Variants in RAB3C observed in about 807,000 individuals in gnomAD.
RAB3C encodes RAB3C, member RAS oncogene family.
Under a neutral mutation model 26.4 loss-of-function variants are expected in RAB3C, and 17 were observed. The ratio of observed to expected loss-of-function variants is 0.64; its 90% CI spans 0.44 to 0.97. The LOEUF is 0.97. Among genes scored for constraint, RAB3C ranks in the 50% least tolerant of loss-of-function variants. The pLI is 0.00. For missense variants in RAB3C, 242 were observed against 281.9 expected (o/e 0.86, Z 1.01); for synonymous variants, 91 against 95.9 (o/e 0.95, Z 0.30).
intron 2 of RAB3C, among the ~76,000 whole-genome samples, chr5:58,687,151 G>C (rs980384478): frequency 2.0e-5 from 3 of 151,976 alleles, no homozygotes; most frequent in African/African-American, 4.8e-5. Context: ...ATCCATCTTC[G>C]TGAGTTGAAG....
At chr5:58,622,368 G>T (rs1017634790) in intron 2 of RAB3C, among the ~76,000 whole-genome samples, 21 of 152,072 alleles carry the variant, frequency 1.4e-4, no homozygotes, top group African/African-American at 4.8e-4. Flanking sequence ...AATCCTGGGA[G>T]GGTCAGTCCC....
rs568825493 is a variant in RAB3C, at chr5:58,634,021, G to T, written c.252+16151G>T. Among the ~76,000 whole-genome samples the T allele has an allele frequency of 2.2e-4, 33 of 151,466 alleles. No individual in the cohort carries two copies. In the South Asian group the frequency reaches 5.6e-3, roughly 26 times the overall value. On this transcript the variant is annotated intron_variant, in intron 2 of 4. Transcript: ENST00000282878. ...CCGGGCATGGTGGCTGGTGCCTGTA[G>T]TCCCAGCTACTCAGGAGGCTGAGGC... is the stretch of plus-strand genomic sequence containing the variant.
At chr5:58,817,252 C>A (rs1157319851) in intron 3 of RAB3C, among the ~76,000 whole-genome samples, 4 of 152,084 alleles carry the variant, frequency 2.6e-5, no homozygotes, top group Non-Finnish European at 4.4e-5. Context: ...TTTAGCTTTT[C>A]ACTATTGTTA....
At chr5:58,824,990 C>G in intron 3 of RAB3C, 48 bp from the exon 4 acceptor site, 1 of 1,327,148 alleles carries the variant, frequency 7.5e-7, no homozygotes, top group Non-Finnish European at 1.0e-6. Flanking sequence ...TCATTTTATG[C>G]TGTTCTGCTT....
At chr5:58,584,924 T>A (rs1745980336) in intron 1 of RAB3C, among the ~76,000 whole-genome samples, 1 of 152,072 alleles carries the variant, frequency 6.6e-6, no homozygotes, top group African/African-American at 2.4e-5. Context: ...ACAGTTAAAA[T>A]TATTTTTTGT....
At chr5:58,841,541 G>A (rs369425240) in intron 4 of RAB3C, among the ~76,000 whole-genome samples, 15 of 152,118 alleles carry the variant, frequency 9.9e-5, no homozygotes, top group Non-Finnish European at 1.5e-5. Context: ...TGGCTCACAG[G>A]GGTGTGAGGT....
intron 1 of RAB3C, among the ~76,000 whole-genome samples, chr5:58,606,997 G>T (rs182131217): frequency 6.6e-6 from 1 of 152,156 alleles, no homozygotes; most frequent in African/African-American, 2.4e-5. Context: ...AAACCAGCGC[G>T]CCTCTTCTCC....
At chr5:58,650,690 GC>G (rs1332223688) in intron 2 of RAB3C, among the ~76,000 whole-genome samples, 1 of 152,068 alleles carries the variant, frequency 6.6e-6, no homozygotes, top group Non-Finnish European at 1.5e-5. Flanking sequence ...GGTCATATTT[GC>G]TAAGCCTCTT....
Position 58,857,447 on chromosome 5 carries a change from T to C in RAB3C, c.*6096T>C, listed in dbSNP as rs187998567. The C allele has an allele frequency of 2.1e-3, 325 of 152,316 alleles. 1 individual carries two copies. The highest frequency in any genetic ancestry group is 7.5e-3 in the African/African-American group (312 of 41,584). 9.4% of individuals were successfully genotyped at this position (152,316 alleles called of 1,614,324 possible). A position where few individuals can be genotyped will look rare whatever the true frequency, so the allele number is the denominator to read the frequency against. The stretch of plus-strand genomic sequence containing the variant: ...CTCAAAATTTTCTTTAAGTGTCATA[T>C]AAAAGTGTACATTTTACTTTTAAGC... On this transcript the variant is annotated 3_prime_UTR_variant, in exon 5 of 5. Transcript: ENST00000282878.
At chr5:58,780,417 T>G (rs1450923578) in intron 3 of RAB3C, among the ~76,000 whole-genome samples, 1 of 152,170 alleles carries the variant, frequency 6.6e-6, no homozygotes, top group East Asian at 1.9e-4. Context: ...TATTTAAGTA[T>G]AACAAATTAT....
At chr5:58,731,083 T>C (rs536824517) in intron 3 of RAB3C, among the ~76,000 whole-genome samples, 9 of 152,148 alleles carry the variant, frequency 5.9e-5, no homozygotes, top group African/African-American at 2.2e-4. Context: ...GTTCCTCCCA[T>C]GACACGTGGG....
chr5:58,779,473 C>G (rs946548239), intron 3 of RAB3C, among the ~76,000 whole-genome samples: 19 of 151,798 alleles, frequency 1.3e-4, no homozygotes, highest in Non-Finnish European at 4.4e-5. Context: ...TAACTTCAAA[C>G]TCTAGGGCTC....
intron 2 of RAB3C, among the ~76,000 whole-genome samples, chr5:58,631,414 A>G (rs941435248): frequency 6.6e-6 from 1 of 152,242 alleles, no homozygotes; most frequent in African/African-American, 2.4e-5. Context: ...ATCAGAAGCT[A>G]AATGTTCAAT....
At chr5:58,827,026 A>G (rs1743496953) in intron 4 of RAB3C, among the ~76,000 whole-genome samples, 1 of 152,240 alleles carries the variant, frequency 6.6e-6, no homozygotes. Context: ...CACCCAGGAG[A>G]AAGTTACCTG....
chr5:58,600,877 C>T (rs777512140), intron 1 of RAB3C, among the ~76,000 whole-genome samples: 2 of 152,018 alleles, frequency 1.3e-5, no homozygotes, highest in East Asian at 1.9e-4. Context: ...ACTTTCAATA[C>T]GATGTTGAAG....
intron 2 of RAB3C, among the ~76,000 whole-genome samples, chr5:58,631,100 A>C (rs916467582): frequency 3.6e-4 from 55 of 152,294 alleles, no homozygotes; most frequent in African/African-American, 1.3e-3. Flanking sequence ...AAACACAAAT[A>C]CACACCCTTT....
At chr5:58,595,328 G>A (rs1746223502) in intron 1 of RAB3C, among the ~76,000 whole-genome samples, 1 of 152,154 alleles carries the variant, frequency 6.6e-6, no homozygotes, top group Non-Finnish European at 1.5e-5. Flanking sequence ...TGGGCAGACT[G>A]GGCATTGTAG....
Position 58,851,750 on chromosome 5 carries a change from G to GTGTT in RAB3C, c.*402_*403insTTGT, listed in dbSNP as rs888709120. 6.4e-6 allele frequency: 1 copy of GTGTT among 157,180 alleles called. No homozygotes were observed. Among genetic ancestry groups the GTGTT allele is most frequent in the African/African-American group, 2.4e-5 (1 of 40,852 alleles). 9.7% of individuals were successfully genotyped at this position (157,180 alleles called of 1,614,324 possible). A position where few individuals can be genotyped will look rare whatever the true frequency, so the allele number is the denominator to read the frequency against. ...ACCAAGGAATTGCTTGTGTGTGTGT[G>GTGTT]TGTGTGTGTGTGTGTGCACGCATGC... On this transcript the variant is annotated 3_prime_UTR_variant, in exon 5 of 5. Transcript: ENST00000282878.
chr5:58,728,803 AG>A (rs1740942105), intron 3 of RAB3C, among the ~76,000 whole-genome samples: 1 of 152,004 alleles, frequency 6.6e-6, no homozygotes, highest in African/African-American at 2.4e-5. Flanking sequence ...TCACTAACAT[AG>A]TGGACAGTGC....
Sources: gnomAD v4.1 joint callset for allele counts (sites outside exome capture counted in the v4.1 genomes callset) on GRCh38, gnomAD v4.1.1 for gene constraint, MANE v1.5 for transcripts, NCBI Gene and HGNC (gene_info 2026-07-23, HGNC 2026-07-21) for gene names.